WDR35: variants seen among roughly 807,000 people sequenced by gnomAD.
WDR35 encodes the protein WD repeat domain 35.
WDR35 carries 118 observed loss-of-function variants against 158.3 expected under a neutral mutation model. That is an observed-to-expected ratio of 0.75 (90% confidence interval 0.64 to 0.87). The LOEUF is 0.87. Ranked by LOEUF, WDR35 falls within the 40% of genes least tolerant of loss-of-function variation. The pLI, the probability that WDR35 is intolerant of heterozygous loss-of-function variation, is 0.00. For missense variants in WDR35, 1,263 were observed against 1,405.8 expected (o/e 0.90, Z 1.62); for synonymous variants, 448 against 476.1 (o/e 0.94, Z 0.77).
At chr2:19,914,347 A>C in intron 25 of WDR35, 70 bp from the exon 26 acceptor site, 1 of 1,594,314 alleles carries the variant, frequency 6.3e-7, no homozygotes. Context: ...CAAAAGAAGA[A>C]TCTAAGTTAA....
At chr2:19,974,852 T>G (rs776682216) in intron 6 of WDR35, among the ~76,000 whole-genome samples, 1 of 151,958 alleles carries the variant, frequency 6.6e-6, no homozygotes, top group Non-Finnish European at 1.5e-5. Context: ...AAACACTGAG[T>G]TTTTATGAGA....
Position 19,911,431 on chromosome 2 carries a change from C to A in WDR35, c.*2127G>T, listed in dbSNP as rs940377808. Reference sequence around the variant, plus strand: ...GCCATCCCTACAACCCTGAACATTTCTCTTTCCTTGATGAAGCAGAGAATA... The same window carrying A: ...GCCATCCCTACAACCCTGAACATTTATCTTTCCTTGATGAAGCAGAGAATA... On this transcript the variant is annotated 3_prime_UTR_variant, in exon 27 of 27. Transcript: ENST00000281405. The A allele has an allele frequency of 2.6e-5, 4 of 152,238 alleles. No individual in the cohort carries two copies. Among genetic ancestry groups the A allele is most frequent in the African/African-American group, 9.6e-5 (4 of 41,452 alleles). The allele number at this position is 152,238 out of a possible 1,614,324, so 9.4% of individuals were successfully genotyped here.
At position 19,931,325 on chromosome 2, in the gene WDR35, A is replaced by T. The variant is rs768704533; in HGVS notation, c.2908T>A (p.Tyr970Asn). Residue 970 changes from tyrosine (Y) to asparagine (N), a missense_variant, in exon 24 of 27, where the codon TAC becomes AAC. Coordinates refer to ENST00000281405, the MANE Select transcript of WDR35 (RefSeq NM_020779.4). ...TGGGCATTCTTCATCTGTTCATGGT[A>T]TTGCTCTATAAGTAAGGCTGACAGT... The part of the protein sequence containing the change: ...YVLSALLIEQ[Y>N]HEQMKNAQRG... The T allele has an allele frequency of 1.2e-6, 2 of 1,612,470 alleles. No individual in the cohort carries two copies. Among genetic ancestry groups the T allele is most frequent in the Non-Finnish European group, 1.7e-6 (2 of 1,179,608 alleles).
Position 19,917,150 on chromosome 2 carries a change from CCTGA to C in WDR35, c.3122-2877_3122-2874del, listed in dbSNP as rs558799206. 4.7e-3 allele frequency among the ~76,000 whole-genome samples: 710 copies of C among 152,236 alleles called. 6 individuals are homozygous for C. Among genetic ancestry groups the C allele is most frequent in the African/African-American group, 0.016 (680 of 41,540 alleles). On this transcript the variant is annotated intron_variant, in intron 25 of 26. Coordinates refer to ENST00000281405, the MANE Select transcript of WDR35 (RefSeq NM_020779.4). ...CTCCAGCAGACCTGCTGGAGAGGGG[CCTGA>C]CTGTTAGAAGGAAAACTAACAAACA...
intron 3 of WDR35, among the ~76,000 whole-genome samples, chr2:19,981,933 T>C (rs1672394422): frequency 6.6e-6 from 1 of 152,242 alleles, no homozygotes. Flanking sequence ...TTCTTCTAGA[T>C]TTATTTAAGA....
chr2:19,935,586 T>C lies in WDR35; in HGVS notation c.2432A>G (p.Tyr811Cys). The change falls in exon 21 of 27, where the codon TAT (tyrosine) becomes TGT (cysteine). Residue 811 changes from tyrosine (Y) to cysteine (C), a missense_variant. Physicochemically the swap from Tyr to Cys is radical, Grantham distance 194. Coordinates refer to ENST00000281405, the MANE Select transcript of WDR35 (RefSeq NM_020779.4). ...TTCCTGGTTCCGTCCTTGTACATAA[T>C]ATTGTACAGCATTCAACCTACAGAA... ...DRQKWLNAVQYYVQGRNQERL... is the reference protein window; with the variant it reads ...DRQKWLNAVQCYVQGRNQERL... The C allele has an allele frequency of 6.2e-7, 1 of 1,612,650 alleles. No individual in the cohort carries two copies. Among genetic ancestry groups the C allele is most frequent in the Non-Finnish European group, 8.5e-7 (1 of 1,179,590 alleles).
At chr2:19,958,822 C>G (rs1205961490) in intron 11 of WDR35, among the ~76,000 whole-genome samples, 1 of 151,770 alleles carries the variant, frequency 6.6e-6, no homozygotes, top group Non-Finnish European at 1.5e-5. Flanking sequence ...AAAAGAACAC[C>G]AAAAAAGGAT....
rs184033500 is a variant in WDR35, at chr2:19,927,145, A to C, written c.3121+3251T>G. Among the ~76,000 whole-genome samples, 4 of 152,310 alleles carry C rather than the reference A, an allele frequency of 2.6e-5. No homozygotes were observed. The East Asian group carries it at 7.7e-4, about 29-fold the overall frequency. On this transcript the variant is annotated intron_variant, in intron 25 of 26. Transcript: ENST00000281405. Reference sequence around the variant, plus strand: ...TTCAGTAAGGGCTGACACAGGGAACAATTACACTTATTGGGCATATTTATC... The same window carrying C: ...TTCAGTAAGGGCTGACACAGGGAACCATTACACTTATTGGGCATATTTATC...
intron 2 of WDR35, among the ~76,000 whole-genome samples, 194 bp downstream of exon 2, chr2:19,988,971 A>G (rs1056094612): frequency 6.6e-6 from 1 of 152,194 alleles, no homozygotes; most frequent in Non-Finnish European, 1.5e-5. Flanking sequence ...CTCAGCAAAA[A>G]CCATCCGATG....
At chr2:19,920,785 A>G (rs895809811) in intron 25 of WDR35, among the ~76,000 whole-genome samples, 1 of 152,234 alleles carries the variant, frequency 6.6e-6, no homozygotes, top group African/African-American at 2.4e-5. Context: ...AGAGGAAGTC[A>G]AATTGTCCCT....
At position 19,936,879 on chromosome 2, in the gene WDR35, T is replaced by C. The variant is rs75323671; in HGVS notation, c.2268-514A>G. ...AATTATCCAGTCTCAGGTATCTTGTTATAGCACCCCAAATGGTCTAAGATA... is the reference window on the plus strand; with the variant it reads ...AATTATCCAGTCTCAGGTATCTTGTCATAGCACCCCAAATGGTCTAAGATA... On this transcript the variant is annotated intron_variant, in intron 19 of 26. Transcript: ENST00000281405. 4.0e-4 allele frequency among the ~76,000 whole-genome samples: 61 copies of C among 152,296 alleles called. No homozygotes were observed. In the East Asian group the frequency reaches 0.01, roughly 26 times the overall value.
intron 11 of WDR35, among the ~76,000 whole-genome samples, chr2:19,960,272 G>A (rs1459564634): frequency 2.6e-5 from 4 of 151,998 alleles, no homozygotes; most frequent in Admixed American, 2.0e-4. Context: ...CATTTAAAGC[G>A]AATGATGGTA....
At chr2:19,956,278 T>C (rs1316126685) in intron 11 of WDR35, among the ~76,000 whole-genome samples, 1 of 152,218 alleles carries the variant, frequency 6.6e-6, no homozygotes, top group African/African-American at 2.4e-5. Flanking sequence ...TTCCAACCAA[T>C]GTTTACCTAC....
rs546082324 is a variant in WDR35 at position 19,949,823 on chromosome 2, G to A, written c.1470+1592C>T. On this transcript the variant is annotated intron_variant, in intron 13 of 26. Transcript: ENST00000281405. ...CAGAGGACTTGGTGATTTATTAGACGTGGAAAGCAAGAGAAAATGAGTTCT... is the reference window on the plus strand; with the variant it reads ...CAGAGGACTTGGTGATTTATTAGACATGGAAAGCAAGAGAAAATGAGTTCT... 4.6e-5 allele frequency among the ~76,000 whole-genome samples: 7 copies of A among 152,254 alleles called. No individual in the cohort carries two copies. The East Asian group carries it at 1.2e-3, about 25-fold the overall frequency.
chr2:19,969,444 A>C, intron 9 of WDR35, 36 bp downstream of exon 9: 1 of 1,590,184 alleles, frequency 6.3e-7, no homozygotes, highest in Non-Finnish European at 8.6e-7. Context: ...TTTAGTAAGA[A>C]ACACTGTTTA....
In WDR35 at chr2:19,974,573, G is replaced by GGCACC; in HGVS notation, c.630_631insGGTGC (p.His211GlyfsTer30). ...TAGCCTTCTGTGCCATGGTACCAAT[G>GGCACC]AATTCCAGCAATGCTGATAGCTCCA... On this transcript the variant is annotated frameshift_variant, in exon 7 of 27. Coordinates refer to ENST00000281405, the MANE Select transcript of WDR35 (RefSeq NM_020779.4). LOFTEE classifies it high-confidence loss of function. 6.2e-7 allele frequency: 1 copy of GGCACC among 1,613,654 alleles called. No individual in the cohort carries two copies. Among genetic ancestry groups the GGCACC allele is most frequent in the Non-Finnish European group, 8.5e-7 (1 of 1,179,796 alleles).
At chr2:19,963,350 T>C (rs1321474703) in intron 10 of WDR35, among the ~76,000 whole-genome samples, 3 of 150,792 alleles carry the variant, frequency 2.0e-5, no homozygotes, top group Non-Finnish European at 4.4e-5. Context: ...CACATTCTGC[T>C]TTCTCTGTAG....
At chr2:19,938,826 G>C (rs1047505964) in intron 17 of WDR35, among the ~76,000 whole-genome samples, 2 of 152,096 alleles carry the variant, frequency 1.3e-5, no homozygotes, top group Admixed American at 6.5e-5. Context: ...ATTTTGAACA[G>C]GTGTACCATC....
At chr2:19,985,337 C>A in intron 2 of WDR35, among the ~76,000 whole-genome samples, 1 of 151,736 alleles carries the variant, frequency 6.6e-6, no homozygotes, top group Non-Finnish European at 1.5e-5. Flanking sequence ...TCAAACCCTA[C>A]CACCAGCAAC....
Sources: gnomAD v4.1 joint callset for allele counts (sites outside exome capture counted in the v4.1 genomes callset) on GRCh38, gnomAD v4.1.1 for gene constraint, MANE v1.5 for transcripts, NCBI Gene and HGNC (gene_info 2026-07-23, HGNC 2026-07-21) for gene names.